PTPRD: variants seen among roughly 807,000 people sequenced by gnomAD.
PTPRD encodes protein tyrosine phosphatase receptor type D, also known as receptor-type tyrosine-protein phosphatase delta.
PTPRD carries 34 observed loss-of-function variants against 214.5 expected under a neutral mutation model. The ratio of observed to expected loss-of-function variants is 0.16; its 90% CI spans 0.12 to 0.21. The LOEUF is 0.21. PTPRD is among the 10% of genes least tolerant of loss of function. PTPRD has a pLI of 1.00. For missense variants in PTPRD, 2,545 were observed against 2,398.7 expected (o/e 1.06, Z -1.27); for synonymous variants, 1,128 against 845.7 (o/e 1.33, Z -5.79).
chr9:10,052,352 A>G (rs1393936149), intron 3 of PTPRD, among the ~76,000 whole-genome samples: 1 of 152,144 alleles, frequency 6.6e-6, no homozygotes, highest in Admixed American at 6.6e-5. Flanking sequence ...GCTTAGTGGC[A>G]AACTCCCAAA....
Position 8,942,964 on chromosome 9 carries a change from A to G in PTPRD, c.-104+75733T>C, listed in dbSNP as rs190797305. On this transcript the variant is annotated intron_variant, in intron 11 of 45. Transcript: ENST00000381196. The stretch of plus-strand genomic sequence containing the variant: ...TAAAGTTGCAGGATAGAAAATCAAC[A>G]TGCAAAAATTAGTAGCACTTCTATA... Among the ~76,000 whole-genome samples the G allele has an allele frequency of 4.7e-4, 71 of 152,324 alleles. 1 individual carries two copies. The East Asian group carries it at 0.011, about 24-fold the overall frequency.
At chr9:8,423,133 A>G (rs528292958) in intron 35 of PTPRD, among the ~76,000 whole-genome samples, 2 of 152,304 alleles carry the variant, frequency 1.3e-5, no homozygotes, top group African/African-American at 4.8e-5. Flanking sequence ...ATGTTTCATA[A>G]TAACCAGAGA....
intron 11 of PTPRD, among the ~76,000 whole-genome samples, chr9:8,805,104 T>C (rs2096649340): frequency 6.6e-6 from 1 of 152,170 alleles, no homozygotes; most frequent in African/African-American, 2.4e-5. Context: ...TCAGAACCTA[T>C]ACCTCACAGA....
At chr9:8,875,123 G>A (rs563948317) in intron 11 of PTPRD, among the ~76,000 whole-genome samples, 1 of 152,272 alleles carries the variant, frequency 6.6e-6, no homozygotes, top group Admixed American at 6.5e-5. Flanking sequence ...TTTTGGGGAT[G>A]ATTAAATGAA....
chr9:10,347,264 T>A (rs1408052903), intron 2 of PTPRD, among the ~76,000 whole-genome samples: 1 of 152,174 alleles, frequency 6.6e-6, no homozygotes, highest in Non-Finnish European at 1.5e-5. Context: ...CCATGTATTT[T>A]TCCTCTCAAA....
intron 8 of PTPRD, among the ~76,000 whole-genome samples, chr9:9,418,273 T>C (rs771362084): frequency 8.5e-5 from 13 of 152,056 alleles, no homozygotes; most frequent in Non-Finnish European, 1.8e-4. Flanking sequence ...AACTGGGTTT[T>C]CTGCTTAGGC....
intron 3 of PTPRD, among the ~76,000 whole-genome samples, chr9:10,194,359 G>T (rs1329550498): frequency 0.11 from 1,077 of 10,174 alleles, 4 homozygotes; most frequent in South Asian, 0.13. Flanking sequence ...GAGAGAGAGA[G>T]AGAGAGAGAG....
Position 8,861,854 on chromosome 9 carries a change from A to T in PTPRD, c.-103-127908T>A, listed in dbSNP as rs532648556. The T allele has an allele frequency of 5.3e-5, 8 of 152,238 alleles. No homozygotes were observed. The East Asian group carries it at 1.5e-3, about 29-fold the overall frequency. 9.4% of individuals were successfully genotyped at this position (152,238 alleles called of 1,614,324 possible). A position where few individuals can be genotyped will look rare whatever the true frequency, so the allele number is the denominator to read the frequency against. On this transcript the variant is annotated intron_variant, in intron 11 of 45. Transcript: ENST00000381196. ...TAAAACACTAAATCTAATATCTAAG[A>T]CCTTTTCCTGTAGGTGTTAGCTTAT...
chr9:10,461,891 G>A (rs925037227), intron 2 of PTPRD, among the ~76,000 whole-genome samples: 1 of 151,974 alleles, frequency 6.6e-6, no homozygotes, highest in Non-Finnish European at 1.5e-5. Context: ...CAAAGTTCTC[G>A]GATTACAGGC....
intron 5 of PTPRD, among the ~76,000 whole-genome samples, chr9:9,831,110 G>T (rs573843210): frequency 6.6e-6 from 1 of 151,958 alleles, no homozygotes; most frequent in Admixed American, 6.6e-5. Context: ...AAAGCTTCAG[G>T]GTGTAGCACT....
At chr9:10,062,947 A>G (rs1319458396) in intron 3 of PTPRD, among the ~76,000 whole-genome samples, 2 of 152,044 alleles carry the variant, frequency 1.3e-5, no homozygotes, top group Non-Finnish European at 2.9e-5. Flanking sequence ...AGTTTGTCTT[A>G]TTTTGTAGGT....
chr9:10,166,584 T>A (rs72696945), intron 3 of PTPRD, among the ~76,000 whole-genome samples: 8,189 of 152,086 alleles, frequency 0.054, 324 homozygotes, highest in Admixed American at 0.1. Flanking sequence ...AATGTGAATT[T>A]CTCAATTTAT....
intron 8 of PTPRD, among the ~76,000 whole-genome samples, chr9:9,428,266 T>A (rs1008466453): frequency 1.3e-5 from 2 of 152,008 alleles, no homozygotes; most frequent in Non-Finnish European, 2.9e-5. Context: ...GCAATCCTAA[T>A]CTCTGATAAA....
At chr9:9,146,255 A>AT (rs144502787) in intron 10 of PTPRD, among the ~76,000 whole-genome samples, 5,742 of 150,320 alleles carry the variant, frequency 0.038, 361 homozygotes, top group African/African-American at 0.13. Context: ...TAAATTTGTT[A>AT]TTTTTTTTTT....
chr9:9,798,571 G>A (rs1199518704), intron 5 of PTPRD, among the ~76,000 whole-genome samples: 1 of 152,200 alleles, frequency 6.6e-6, no homozygotes, highest in Non-Finnish European at 1.5e-5. Context: ...GAGAAGGTCA[G>A]AGAATGACCT....
chr9:8,907,513 G>A (rs1338209098), intron 11 of PTPRD, among the ~76,000 whole-genome samples: 6 of 64,662 alleles, frequency 9.3e-5, no homozygotes, highest in Admixed American at 2.2e-4. Context: ...GTGAGACTCC[G>A]TCTCAAAAAA....
chr9:10,166,738 G>C (rs1359985071), intron 3 of PTPRD, among the ~76,000 whole-genome samples: 2 of 151,966 alleles, frequency 1.3e-5, no homozygotes, highest in African/African-American at 4.8e-5. Flanking sequence ...AGAAAGTCAG[G>C]ATACTAATAT....
Position 8,329,901 on chromosome 9 carries a change from C to T in PTPRD, c.5534+1681G>A, listed in dbSNP as rs142687434. Among the ~76,000 whole-genome samples the T allele has an allele frequency of 8.0e-5, 12 of 150,084 alleles. No individual in the cohort carries two copies. The East Asian group carries it at 2.2e-3, about 28-fold the overall frequency. ...AATGGCCCAGGTGGACCTCAGACAG[C>T]TGTACTCGCAGTGAGATTTTCAAGC... On this transcript the variant is annotated intron_variant, in intron 44 of 45. Coordinates refer to ENST00000381196, the MANE Select transcript of PTPRD (RefSeq NM_002839.4).
At chr9:9,935,808 C>T (rs1485164408) in intron 5 of PTPRD, among the ~76,000 whole-genome samples, 1 of 149,050 alleles carries the variant, frequency 6.7e-6, no homozygotes, top group Non-Finnish European at 1.5e-5. Context: ...GGAGGCATCA[C>T]ACTACCTGAC....
Sources: gnomAD v4.1 joint callset for allele counts (sites outside exome capture counted in the v4.1 genomes callset) on GRCh38, gnomAD v4.1.1 for gene constraint, MANE v1.5 for transcripts, NCBI Gene and HGNC (gene_info 2026-07-23, HGNC 2026-07-21) for gene names.